Variants in PDSS2 observed in about 807,000 individuals in gnomAD.
The protein encoded by PDSS2 is all trans-polyprenyl-diphosphate synthase PDSS2.
Under a neutral mutation model 44.5 loss-of-function variants are expected in PDSS2, and 31 were observed. That is an observed-to-expected ratio of 0.70 (90% confidence interval 0.52 to 0.94). The LOEUF (loss-of-function observed/expected upper bound fraction) is 0.94, where lower values mean the gene tolerates loss of function less well. Among genes scored for constraint, PDSS2 ranks in the 40% least tolerant of loss-of-function variants. The probability of loss-of-function intolerance (pLI) is 0.00; values close to 1 mark genes in which losing one functional copy is unlikely to be tolerated. For synonymous variants in PDSS2, 157 were observed against 180.3 expected (o/e 0.87, Z 1.03); for missense variants, 452 against 482.2 (o/e 0.94, Z 0.59).
chr6:107,379,362 A>G lies in PDSS2; in HGVS notation c.297-45030T>C, dbSNP rs552518520. ...TGTAAACATTTCATGTGCACTTGAG[A>G]AAAGGATGTATTTTCTATTATCAGA... On this transcript the variant is annotated intron_variant, in intron 1 of 7. Transcript: ENST00000369037. 2.6e-4 allele frequency among the ~76,000 whole-genome samples: 39 copies of G among 152,310 alleles called. No homozygotes were observed. In the East Asian group the frequency reaches 7.3e-3, roughly 29 times the overall value.
At chr6:107,334,173 T>C in intron 2 of PDSS2, 25 bp downstream of exon 2, 4 of 1,607,834 alleles carry the variant, frequency 2.5e-6, no homozygotes, top group Non-Finnish European at 3.4e-6. Context: ...TAGAGAGCAA[T>C]GTCAAAAGAC....
chr6:107,294,528 C>T (rs1156293884), intron 2 of PDSS2, among the ~76,000 whole-genome samples: 1 of 151,996 alleles, frequency 6.6e-6, no homozygotes, highest in Non-Finnish European at 1.5e-5. Flanking sequence ...ACTGCAGGCT[C>T]ATGGCACTCT....
chr6:107,394,512 G>A (rs904329377), intron 1 of PDSS2, among the ~76,000 whole-genome samples: 4 of 152,052 alleles, frequency 2.6e-5, no homozygotes, highest in African/African-American at 9.7e-5. Flanking sequence ...GGACAGTACC[G>A]AGATCATCGT....
At chr6:107,177,322 G>T (rs540776083) in intron 7 of PDSS2, among the ~76,000 whole-genome samples, 2 of 151,990 alleles carry the variant, frequency 1.3e-5, no homozygotes, top group Non-Finnish European at 1.5e-5. Context: ...GTAGAGACGG[G>T]GTTTTGCCAT....
intron 2 of PDSS2, among the ~76,000 whole-genome samples, chr6:107,319,033 C>T (rs1043217131): frequency 2.0e-5 from 3 of 151,148 alleles, no homozygotes; most frequent in African/African-American, 7.3e-5. Context: ...CACATACACA[C>T]ACACACACAC....
In PDSS2 at chr6:107,286,772, C is replaced by T. The variant is rs181457278; in HGVS notation, c.432-12545G>A. Among the ~76,000 whole-genome samples, 314 of 152,108 alleles carry T rather than the reference C, an allele frequency of 2.1e-3. 2 individuals carry two copies. The highest frequency in any genetic ancestry group is 7.4e-3 in the African/African-American group (308 of 41,502). On this transcript the variant is annotated intron_variant, in intron 2 of 7. Transcript: ENST00000369037. ...TAATTTAGAAAAGAGTGGCCAGGTG[C>T]GGTGGCTCACACCTGTAATCCCAGC...
At chr6:107,335,648 C>A (rs952007522) in intron 1 of PDSS2, among the ~76,000 whole-genome samples, 1 of 152,064 alleles carries the variant, frequency 6.6e-6, no homozygotes, top group East Asian at 1.9e-4. Flanking sequence ...AAATACTTCC[C>A]AGGAATACAT....
intron 1 of PDSS2, among the ~76,000 whole-genome samples, chr6:107,370,281 A>C (rs1779092454): frequency 6.6e-6 from 1 of 152,240 alleles, no homozygotes; most frequent in South Asian, 2.1e-4. Context: ...CGAGTAATTC[A>C]GAGAATATTC....
At chr6:107,416,748 A>C (rs1020606551) in intron 1 of PDSS2, among the ~76,000 whole-genome samples, 5 of 152,222 alleles carry the variant, frequency 3.3e-5, no homozygotes, top group Admixed American at 3.3e-4. Context: ...CTAGACTCAC[A>C]AGTCCCGAAA....
At position 107,301,455 on chromosome 6, in the gene PDSS2, T is replaced by A. The variant is rs750666835; in HGVS notation, c.432-27228A>T. Among the ~76,000 whole-genome samples, 6 of 82,170 alleles carry A rather than the reference T, an allele frequency of 7.3e-5. No individual in the cohort carries two copies. The East Asian group carries it at 4.2e-3, about 58-fold the overall frequency. 53.9% of individuals were successfully genotyped at this position (82,170 alleles called of 152,430 possible). On this transcript the variant is annotated intron_variant, in intron 2 of 7. Coordinates refer to ENST00000369037, the MANE Select transcript of PDSS2 (RefSeq NM_020381.4). ...TACCATTTTTTGAAATAATTTACAG[T>A]TCATTTGCAAAAACAAAACAAGCAT...
At chr6:107,359,194 T>C (rs981620766) in intron 1 of PDSS2, among the ~76,000 whole-genome samples, 1 of 151,516 alleles carries the variant, frequency 6.6e-6, no homozygotes, top group Admixed American at 6.6e-5. Context: ...GTATTTTTAG[T>C]AGAGACAGGG....
chr6:107,368,751 G>A (rs1779040132), intron 1 of PDSS2, among the ~76,000 whole-genome samples: 1 of 152,012 alleles, frequency 6.6e-6, no homozygotes, highest in Non-Finnish European at 1.5e-5. Flanking sequence ...GCAGTGAGAT[G>A]TGACCATGTC....
At chr6:107,431,142 A>T (rs1306438839) in intron 1 of PDSS2, among the ~76,000 whole-genome samples, 1 of 152,238 alleles carries the variant, frequency 6.6e-6, no homozygotes, top group Non-Finnish European at 1.5e-5. Context: ...TTGCTCAAAT[A>T]GCAGGTAGTA....
At chr6:107,252,323 A>T (rs1386758659) in intron 3 of PDSS2, among the ~76,000 whole-genome samples, 1 of 152,228 alleles carries the variant, frequency 6.6e-6, no homozygotes, top group African/African-American at 2.4e-5. Flanking sequence ...ACCAACTCAT[A>T]GGAGTTCTGG....
intron 1 of PDSS2, among the ~76,000 whole-genome samples, chr6:107,379,521 A>G (rs1175806760): frequency 6.6e-6 from 1 of 152,178 alleles, no homozygotes; most frequent in Non-Finnish European, 1.5e-5. Flanking sequence ...CCCATTATTA[A>G]TTAGCATGCT....
intron 1 of PDSS2, among the ~76,000 whole-genome samples, chr6:107,456,051 G>A (rs924921942): frequency 1.3e-4 from 20 of 152,130 alleles, no homozygotes; most frequent in Admixed American, 1.2e-3. Flanking sequence ...GGCCCGGCGT[G>A]GTGGCTCACG....
intron 1 of PDSS2, among the ~76,000 whole-genome samples, chr6:107,414,674 CTT>C (rs1280021563): frequency 6.6e-6 from 1 of 152,176 alleles, no homozygotes; most frequent in Admixed American, 6.5e-5. Context: ...TGTGGTTTCT[CTT>C]TTGAGATAGT....
intron 2 of PDSS2, among the ~76,000 whole-genome samples, chr6:107,275,624 TG>T (rs1281073664): frequency 6.6e-6 from 1 of 152,170 alleles, no homozygotes; most frequent in African/African-American, 2.4e-5. Flanking sequence ...AATGGTAAGT[TG>T]TTTCAAGTCA....
At chr6:107,216,180 A>AT (rs1773405954) in intron 4 of PDSS2, among the ~76,000 whole-genome samples, 1 of 151,846 alleles carries the variant, frequency 6.6e-6, no homozygotes. Context: ...AAAGAAAAAA[A>AT]CCTAGGAATA....
Sources: gnomAD v4.1 joint callset for allele counts (sites outside exome capture counted in the v4.1 genomes callset) on GRCh38, gnomAD v4.1.1 for gene constraint, MANE v1.5 for transcripts, NCBI Gene and HGNC (gene_info 2026-07-23, HGNC 2026-07-21) for gene names.